The following ABLIM1 variants were observed in gnomAD, a reference collection of about 807,000 sequenced individuals.
The protein encoded by ABLIM1 is actin binding LIM protein 1, also known as actin-binding LIM protein 1.
ABLIM1 carries 40 observed loss-of-function variants against 107.0 expected under a neutral mutation model. The observed-to-expected ratio is 0.37, with a 90% CI of 0.29 to 0.49. ABLIM1 has a LOEUF of 0.49. ABLIM1 is among the 20% of genes least tolerant of loss of function. ABLIM1 has a pLI of 0.97. For missense variants in ABLIM1, 857 were observed against 1,008.5 expected (o/e 0.85, Z 2.04); for synonymous variants, 357 against 357.3 (o/e 1.00, Z 0.01).
chr10:114,727,619 C>G (rs1467585910), intron 1 of ABLIM1, among the ~76,000 whole-genome samples: 1 of 152,114 alleles, frequency 6.6e-6, no homozygotes, highest in African/African-American at 2.4e-5. Flanking sequence ...TCAAAAAACT[C>G]AAATCATAAA....
intron 1 of ABLIM1, among the ~76,000 whole-genome samples, chr10:114,664,541 G>C (rs1014333997): frequency 1.3e-5 from 2 of 151,610 alleles, no homozygotes; most frequent in African/African-American, 4.9e-5. Flanking sequence ...TTTAAAAAAT[G>C]TTATTTTATT....
chr10:114,444,436 T>C (rs1255810224), intron 16 of ABLIM1, among the ~76,000 whole-genome samples: 1 of 152,092 alleles, frequency 6.6e-6, no homozygotes, highest in Non-Finnish European at 1.5e-5. Flanking sequence ...CATGTGTGAG[T>C]GTGTGTGGAT....
intron 1 of ABLIM1, chr10:114,684,141 G>A (rs1219418479): frequency 8.0e-6 from 6 of 749,268 alleles, no homozygotes; most frequent in Non-Finnish European, 1.2e-5. Flanking sequence ...TACTATCACA[G>A]AAATAGATTG....
At chr10:114,737,050 G>A (rs890556328) in intron 1 of ABLIM1, among the ~76,000 whole-genome samples, 6 of 152,082 alleles carry the variant, frequency 3.9e-5, no homozygotes, top group African/African-American at 1.4e-4. Flanking sequence ...TTAGCTGGGT[G>A]TAATAGCATG....
intron 2 of ABLIM1, among the ~76,000 whole-genome samples, chr10:114,592,368 T>C (rs2074979533): frequency 6.6e-6 from 1 of 152,020 alleles, no homozygotes; most frequent in South Asian, 2.1e-4. Context: ...TTTAAGAACG[T>C]TCAGGAAGGA....
intron 17 of ABLIM1, 27 bp from the exon 18 acceptor site, chr10:114,441,813 A>C: frequency 1.3e-6 from 2 of 1,592,810 alleles, no homozygotes; most frequent in Non-Finnish European, 1.7e-6. Context: ...TAAAAAACCA[A>C]TTGTTAGGAA....
rs746555569 is a variant in ABLIM1 at position 114,436,279 on chromosome 10, T to C, written c.2318A>G (p.Lys773Arg). The C allele has an allele frequency of 1.2e-6, 2 of 1,614,008 alleles. No homozygotes were observed. The highest frequency in any genetic ancestry group is 1.7e-6 in the Non-Finnish European group (2 of 1,179,918). Residue 773 changes from lysine to arginine, a missense_variant, in exon 23 of 23, where the codon AAA (lysine) becomes AGA (arginine). This residue lies in a region of ABLIM1 where 193 missense variants were observed against 208.5 expected (regional missense o/e 0.93). Transcript: ENST00000533213. ...TGGGACTTAGAAGAGTTTTGCTTTT[T>C]TCTTCATGTCGTTGCGTCTCCAAAG... ...LPLWRRNDMKKKAKLF is the reference protein window; with the variant it reads ...LPLWRRNDMKRKAKLF
intron 3 of ABLIM1, among the ~76,000 whole-genome samples, chr10:114,573,162 T>C (rs1057372802): frequency 9.9e-5 from 15 of 152,252 alleles, no homozygotes; most frequent in Non-Finnish European, 2.1e-4. Context: ...GATAACTTCC[T>C]TCTTTTATTT....
intron 1 of ABLIM1, among the ~76,000 whole-genome samples, chr10:114,717,220 C>T (rs1220642052): frequency 3.9e-5 from 6 of 152,174 alleles, no homozygotes; most frequent in African/African-American, 1.4e-4. Context: ...GTCTTTGCTT[C>T]TACTCGTGGG....
chr10:114,661,802 GAC>G (rs1323909090), upstream of ABLIM1, among the ~76,000 whole-genome samples: 30 of 152,118 alleles, frequency 2.0e-4, no homozygotes, highest in African/African-American at 6.8e-4. Flanking sequence ...TTCTATGATA[GAC>G]TATGAAAATG....
At chr10:114,517,443 C>T (rs1050655629) in intron 6 of ABLIM1, among the ~76,000 whole-genome samples, 1 of 151,962 alleles carries the variant, frequency 6.6e-6, no homozygotes, top group African/African-American at 2.4e-5. Flanking sequence ...AGCAGAGCCC[C>T]CAGAAGAACC....
chr10:114,726,693 A>G (rs1236989336), intron 1 of ABLIM1, among the ~76,000 whole-genome samples: 1 of 152,152 alleles, frequency 6.6e-6, no homozygotes, highest in African/African-American at 2.4e-5. Context: ...GAGGCAGGAG[A>G]ATCCCTTGAA....
At chr10:114,683,335 C>T (rs2080826146) in intron 1 of ABLIM1, among the ~76,000 whole-genome samples, 1 of 152,216 alleles carries the variant, frequency 6.6e-6, no homozygotes, top group African/African-American at 2.4e-5. Flanking sequence ...CATTACTGGA[C>T]TTTTAAATCA....
chr10:114,610,204 G>C (rs1566090793), intron 1 of ABLIM1, among the ~76,000 whole-genome samples: 1 of 152,162 alleles, frequency 6.6e-6, no homozygotes. Flanking sequence ...AGCCATTTAT[G>C]GGAGAAGAAC....
intron 2 of ABLIM1, among the ~76,000 whole-genome samples, chr10:114,587,781 T>A (rs2074357311): frequency 6.6e-6 from 1 of 152,122 alleles, no homozygotes; most frequent in African/African-American, 2.4e-5. Context: ...TATGTTCAAA[T>A]CTTGTTTCCT....
At chr10:114,800,665 C>T in the ABLIM1 span, among the ~76,000 whole-genome samples, 1 of 152,184 alleles carries the variant, frequency 6.6e-6, no homozygotes, top group Non-Finnish European at 1.5e-5. Context: ...GTAATCCCAG[C>T]ACTCTGGGAG....
intron 2 of ABLIM1, among the ~76,000 whole-genome samples, chr10:114,583,791 A>T (rs923766088): frequency 1.3e-5 from 2 of 152,022 alleles, no homozygotes; most frequent in Non-Finnish European, 2.9e-5. Flanking sequence ...GCAGCCATAA[A>T]AGAGAATGAA....
intron 4 of ABLIM1, among the ~76,000 whole-genome samples, chr10:114,558,838 T>C (rs2069169067): frequency 6.6e-6 from 1 of 152,016 alleles, no homozygotes; most frequent in Non-Finnish European, 1.5e-5. Flanking sequence ...AATACTAGCA[T>C]AAAACATTAA....
At chr10:114,699,693 T>C (rs564945666) in intron 1 of ABLIM1, among the ~76,000 whole-genome samples, 1 of 152,270 alleles carries the variant, frequency 6.6e-6, no homozygotes, top group South Asian at 2.1e-4. Flanking sequence ...GAAGTGAACA[T>C]TAAAACCAAT....
Sources: allele counts gnomAD v4.1 joint callset (sites outside exome capture counted in the v4.1 genomes callset), GRCh38; gene constraint gnomAD v4.1.1; regional missense constraint gnomAD v4.1.1; transcripts MANE v1.5; gene names NCBI Gene and HGNC (gene_info 2026-07-23, HGNC 2026-07-21).